Variants in FNDC3B observed in about 807,000 individuals in gnomAD.
The protein encoded by FNDC3B is fibronectin type III domain-containing protein 3B.
Under a neutral mutation model 151.5 loss-of-function variants are expected in FNDC3B, and 12 were observed. The observed-to-expected ratio is 0.08, with a 90% confidence interval of 0.05 to 0.13. The LOEUF (loss-of-function observed/expected upper bound fraction) is 0.13, where lower values mean the gene tolerates loss of function less well. FNDC3B is among the 10% of genes least tolerant of loss of function. The probability of loss-of-function intolerance (pLI) is 1.00; values close to 1 mark genes in which losing one functional copy is unlikely to be tolerated. For missense variants in FNDC3B, 1,214 were observed against 1,505.3 expected, an observed-to-expected ratio of 0.81 and a Z score of 3.20; for synonymous variants, 528 against 549.0, an observed-to-expected ratio of 0.96 and a Z score of 0.54.
intron 1 of FNDC3B, among the ~76,000 whole-genome samples, chr3:172,045,319 C>T (rs572954603): frequency 1.3e-5 from 2 of 152,290 alleles, no homozygotes; most frequent in Admixed American, 6.5e-5. Flanking sequence ...TTGTACTATA[C>T]ATAAGTTGTC....
chr3:172,187,845 G>GC (rs893133482), intron 3 of FNDC3B, among the ~76,000 whole-genome samples: 6 of 152,200 alleles, frequency 3.9e-5, no homozygotes, highest in African/African-American at 1.4e-4. Context: ...GTCTCAAATG[G>GC]CTGGGCTCAA....
intron 6 of FNDC3B, among the ~76,000 whole-genome samples, chr3:172,284,487 A>G (rs1195508596): frequency 1.3e-5 from 2 of 152,084 alleles, no homozygotes; most frequent in Non-Finnish European, 2.9e-5. Context: ...GATAATTGAT[A>G]AGGAAATAGC....
chr3:172,302,636 C>T (rs1176605343), intron 9 of FNDC3B: 3 of 152,186 alleles, frequency 2.0e-5, no homozygotes, highest in Admixed American at 6.5e-5. Flanking sequence ...ATGATGCATA[C>T]ATTGATTAGC....
intron 4 of FNDC3B, among the ~76,000 whole-genome samples, chr3:172,240,240 C>A (rs989315487): frequency 2.6e-5 from 4 of 152,266 alleles, no homozygotes; most frequent in African/African-American, 9.6e-5. Flanking sequence ...GTATTACCTT[C>A]ACTTCCCTAA....
chr3:172,161,138 A>T (rs1722743586), intron 3 of FNDC3B, among the ~76,000 whole-genome samples: 1 of 152,188 alleles, frequency 6.6e-6, no homozygotes, highest in South Asian at 2.1e-4. Flanking sequence ...CTGTCATTAG[A>T]AGCAGGATTG....
chr3:172,043,437 C>T (rs1716192589), intron 1 of FNDC3B, among the ~76,000 whole-genome samples: 1 of 152,156 alleles, frequency 6.6e-6, no homozygotes, highest in East Asian at 1.9e-4. Context: ...GCCTCCACCT[C>T]CCAGGCTGAA....
At chr3:172,293,481 A>T (rs1290831469) in intron 7 of FNDC3B, among the ~76,000 whole-genome samples, 1 of 152,190 alleles carries the variant, frequency 6.6e-6, no homozygotes, top group East Asian at 1.9e-4. Flanking sequence ...TTCAACAAAC[A>T]TTTACTAAGC....
intron 11 of FNDC3B, among the ~76,000 whole-genome samples, chr3:172,315,833 T>C (rs939265375): frequency 3.3e-5 from 5 of 151,222 alleles, no homozygotes; most frequent in Admixed American, 6.6e-5. Context: ...GTATAGGTTC[T>C]TTCCACAATG....
At chr3:172,140,301 A>G (rs1358289331) in intron 3 of FNDC3B, among the ~76,000 whole-genome samples, 3 of 152,208 alleles carry the variant, frequency 2.0e-5, no homozygotes, top group Non-Finnish European at 4.4e-5. Context: ...CTACAAATAT[A>G]TATTTACGTG....
At chr3:172,295,246 A>G in intron 7 of FNDC3B, 117 bp from the exon 8 acceptor site, 6 of 938,060 alleles carry the variant, frequency 6.4e-6, no homozygotes, top group East Asian at 2.5e-5. Context: ...GATGTCTTTC[A>G]TTGTAATTAA....
chr3:172,335,366 TA>T (rs1162863587), intron 15 of FNDC3B: 1 of 240,696 alleles, frequency 4.2e-6, no homozygotes, highest in Non-Finnish European at 7.9e-6. Context: ...CCTGTTTACA[TA>T]TTTTTTTCTC....
intron 25 of FNDC3B, among the ~76,000 whole-genome samples, chr3:172,390,701 A>G (rs1272088914): frequency 2.0e-5 from 3 of 152,270 alleles, no homozygotes; most frequent in Non-Finnish European, 2.9e-5. Flanking sequence ...TTCACTTTCC[A>G]GAAGTCTTTA....
Position 172,330,559 on chromosome 3 carries a change from G to A in FNDC3B, c.1398G>A (p.Val466=). The A allele has an allele frequency of 6.2e-7, 1 of 1,613,274 alleles. No homozygotes were observed. The highest frequency in any genetic ancestry group is 2.2e-5 in the East Asian group (1 of 44,846). The change falls in exon 13 of 26, where the codon GTG becomes GTA. Residue 466 remains valine, a synonymous_variant. Transcript: ENST00000415807. ...TCTACAGTGGTTATAGCCAAGAGGTGGTGTGCTACACATTAGGAAATATCC... is the reference window on the plus strand; with the variant it reads ...TCTACAGTGGTTATAGCCAAGAGGTAGTGTGCTACACATTAGGAAATATCC... ...DIGTSGYSQE[V]VCYTLGNIPQ... is the part of the protein sequence containing the mutation.
At chr3:172,239,931 CG>C (rs1229379100) in intron 4 of FNDC3B, among the ~76,000 whole-genome samples, 1 of 124,918 alleles carries the variant, frequency 8.0e-6, no homozygotes, top group Non-Finnish European at 1.6e-5. Context: ...TGCAGTGACG[CG>C]ATCTTGGCTC....
chr3:172,299,413 C>T (rs959700283), intron 9 of FNDC3B, among the ~76,000 whole-genome samples: 1 of 152,188 alleles, frequency 6.6e-6, no homozygotes, highest in South Asian at 2.1e-4. Flanking sequence ...AACCACAGAT[C>T]TGTAAGGAGG....
At chr3:172,148,283 C>A (rs995746789) in intron 3 of FNDC3B, among the ~76,000 whole-genome samples, 6 of 152,066 alleles carry the variant, frequency 3.9e-5, no homozygotes, top group African/African-American at 1.4e-4. Flanking sequence ...TTCTAAACAT[C>A]TAAATAAGGG....
intron 16 of FNDC3B, among the ~76,000 whole-genome samples, chr3:172,340,293 T>G (rs1733231559): frequency 6.6e-6 from 1 of 150,828 alleles, no homozygotes; most frequent in Non-Finnish European, 1.5e-5. Flanking sequence ...TGTCTTTTTT[T>G]TTTTTTTTTT....
chr3:172,119,305 G>C (rs756431245), intron 2 of FNDC3B, among the ~76,000 whole-genome samples: 1 of 151,720 alleles, frequency 6.6e-6, no homozygotes, highest in African/African-American at 2.4e-5. Flanking sequence ...TTAGGTGCTG[G>C]TGACAGAAAG....
At chr3:172,134,431 A>T (rs1304160235) in intron 3 of FNDC3B, 1 of 516,468 alleles carries the variant, frequency 1.9e-6, no homozygotes, top group South Asian at 1.4e-5. Context: ...GGTAAATGGC[A>T]TGCAATTGAG....
Sources: gnomAD v4.1 joint callset for allele counts (sites outside exome capture counted in the v4.1 genomes callset) on GRCh38, gnomAD v4.1.1 for gene constraint, MANE v1.5 for transcripts, NCBI Gene and HGNC (gene_info 2026-07-23, HGNC 2026-07-21) for gene names.